KLHL21: variants seen among roughly 807,000 people sequenced by gnomAD.
KLHL21 encodes the protein kelch like family member 21.
KLHL21 carries 42 observed loss-of-function variants against 44.1 expected under a neutral mutation model. The observed-to-expected ratio is 0.95, with a 90% CI of 0.74 to 1.23. KLHL21 has a LOEUF of 1.23. KLHL21 is among the 50% of genes most tolerant of loss of function. The pLI, the probability that KLHL21 is intolerant of heterozygous loss-of-function variation, is 0.00. For missense variants in KLHL21, 918 were observed against 889.1 expected (o/e 1.03, Z -0.41); for synonymous variants, 524 against 411.6 (o/e 1.27, Z -3.31).
intron 3 of KLHL21, 103 bp downstream of exon 3, chr1:6,595,382 C>T (rs1421684945): frequency 2.9e-6 from 3 of 1,030,792 alleles, no homozygotes; most frequent in East Asian, 5.0e-5. Context: ...AGATGAGACC[C>T]ACCCATCATG....
intron 1 of KLHL21, among the ~76,000 whole-genome samples, chr1:6,600,967 G>A (rs1292680392): frequency 6.6e-6 from 1 of 152,198 alleles, no homozygotes; most frequent in Admixed American, 6.5e-5. Flanking sequence ...GCTCTCTCGC[G>A]AACATGCAAG....
In KLHL21 at chr1:6,593,018, T is replaced by A. The variant is rs1453081420; in HGVS notation, c.*347A>T. ...ACGCGTCCCTCCCAAGTCATCGTCCTCTCCCAAGGTGGGAACAAGTAGGTG... is the reference window on the plus strand; with the variant it reads ...ACGCGTCCCTCCCAAGTCATCGTCCACTCCCAAGGTGGGAACAAGTAGGTG... On this transcript the variant is annotated 3_prime_UTR_variant, in exon 4 of 4. Coordinates refer to ENST00000377658, the MANE Select transcript of KLHL21 (RefSeq NM_014851.4). 3.7e-6 allele frequency: 1 copy of A among 270,034 alleles called. No homozygotes were observed. The highest frequency in any genetic ancestry group is 2.2e-5 in the African/African-American group (1 of 46,452). 16.7% of individuals were successfully genotyped at this position (270,034 alleles called of 1,614,324 possible). A position where few individuals can be genotyped will look rare whatever the true frequency, so the allele number is the denominator to read the frequency against.
Position 6,593,305 on chromosome 1 carries a change from GCACTGCCCCGCAGAGGTGC to G in KLHL21, c.*41_*59del, listed in dbSNP as rs1225013603. The G allele has an allele frequency of 1.0e-4, 151 of 1,474,164 alleles. No individual in the cohort carries two copies. The highest frequency in any genetic ancestry group is 1.3e-4 in the Non-Finnish European group (140 of 1,100,890). 91.3% of individuals were successfully genotyped at this position (1,474,164 alleles called of 1,614,324 possible). A position where few individuals can be genotyped will look rare whatever the true frequency, so the allele number is the denominator to read the frequency against. ...GTGTCCTTGTGCACAAAGGAGTGGG[GCACTGCCCCGCAGAGGTGC>G]CAGTTACCTGCACCGAGGCCCGTGC... On this transcript the variant is annotated 3_prime_UTR_variant, in exon 4 of 4. Coordinates refer to ENST00000377658, the MANE Select transcript of KLHL21 (RefSeq NM_014851.4).
chr1:6,602,188 C>G lies in KLHL21; in HGVS notation c.630G>C (p.Pro210=), dbSNP rs1570206281. The G allele has an allele frequency of 1.4e-6, 2 of 1,443,944 alleles. No homozygotes were observed. The highest frequency in any genetic ancestry group is 9.0e-7 in the Non-Finnish European group (1 of 1,108,712). The allele number at this position is 1,443,944 out of a possible 1,614,324, so 89.4% of individuals were successfully genotyped here. A position where few individuals can be genotyped will look rare whatever the true frequency, so the allele number is the denominator to read the frequency against. Residue 210 remains proline (P), a synonymous_variant, in exon 1 of 4, where the codon CCG becomes CCC. Transcript: ENST00000377658. ...GCGGCCAGTGCGCGGCGCGGCGCGG[C>G]GGGTCAGCGCGGACCCAGCGCAGCG... ...QLALRWVRAD[P]PRRAAHWPQL... is the part of the protein sequence containing the mutation.
chr1:6,593,856 C>A, intron 3 of KLHL21, 198 bp from the exon 4 acceptor site: 2 of 1,365,646 alleles, frequency 1.5e-6, no homozygotes, highest in Non-Finnish European at 1.9e-6. Context: ...GGCAGCTGGG[C>A]CTTCCCTATG....
intron 1 of KLHL21, among the ~76,000 whole-genome samples, chr1:6,600,871 T>C (rs1641006691): frequency 6.6e-6 from 1 of 152,176 alleles, no homozygotes; most frequent in South Asian, 2.1e-4. Context: ...AGCAGCAGGC[T>C]AAGGAAGCTG....
chr1:6,601,843 GC>G lies in KLHL21; in HGVS notation c.974del (p.Gly325AlafsTer15). 1 of 1,584,530 alleles carries G rather than the reference GC, an allele frequency of 6.3e-7. No individual in the cohort carries two copies. On this transcript the variant is annotated frameshift_variant, in exon 1 of 4. Transcript: ENST00000377658. LOFTEE classifies it high-confidence loss of function. Reference sequence around the variant, plus strand: ...CCAGCGCCACGATGCTGTAGCCTCCGCCCAGGTGGTCTGGGAACTCGGCCAG... The same window carrying G: ...CCAGCGCCACGATGCTGTAGCCTCCGCCAGGTGGTCTGGGAACTCGGCCAG... ...RYLAEFPDHLGGGYSIVALGN... is the reference protein window; with the variant it reads ...RYLAEFPDHLXGGYSIVALGN...
At position 6,599,101 on chromosome 1, in the gene KLHL21, G is replaced by A. The variant is rs1175992945; in HGVS notation, c.1373C>T (p.Pro458Leu). 2 of 1,612,168 alleles carry A rather than the reference G, an allele frequency of 1.2e-6. No individual in the cohort carries two copies. The highest frequency in any genetic ancestry group is 2.2e-5 in the South Asian group (2 of 90,832). The change falls in exon 2 of 4, where the codon CCC becomes CTC. Residue 458 changes from proline (P) to leucine (L), a missense_variant. By Grantham distance (98) the Pro-to-Leu change is moderately conservative. Transcript: ENST00000377658. ...CGCAGTCTTGGGGGCGAAGGACCAG[G>A]GCGGGAGCTGGCCGCAGTCCACCAG... Reference protein sequence around the residue: ...WSLVDCGQLPPWSFAPKTATL... With the variant: ...WSLVDCGQLPLWSFAPKTATL...
At chr1:6,601,658 T>C in intron 1 of KLHL21, 139 bp downstream of exon 1, 9 of 1,332,864 alleles carry the variant, frequency 6.8e-6, no homozygotes, top group South Asian at 1.6e-5. Flanking sequence ...CCCAGAGACA[T>C]GTAGTCACCA....
At chr1:6,596,626 A>G (rs1016555881) in intron 2 of KLHL21, among the ~76,000 whole-genome samples, 2 of 152,138 alleles carry the variant, frequency 1.3e-5, no homozygotes. Context: ...GCCCCCAATC[A>G]TTTCAAAATG....
chr1:6,599,318 C>G lies in KLHL21; in HGVS notation c.1156G>C (p.Val386Leu), dbSNP rs1442208343. The change falls in exon 2 of 4, where the codon GTG becomes CTG. Residue 386 changes from valine to leucine, a missense_variant. By Grantham distance (32) the Val-to-Leu change is conservative. Coordinates refer to ENST00000377658, the MANE Select transcript of KLHL21 (RefSeq NM_014851.4). ...SSSVLDGLLY[V>L]VAADSTERYD... ...CGCTCGGTGCTGTCGGCGGCCACCA[C>G]GTACAGCAGTCCGTCCAGCACAGAG... The G allele has an allele frequency of 5.0e-6, 8 of 1,613,856 alleles. No homozygotes were observed. In the Admixed American group the frequency reaches 8.3e-5, roughly 17 times the overall value.
At chr1:6,597,496 T>C (rs1034737324) in intron 2 of KLHL21, among the ~76,000 whole-genome samples, 1 of 152,218 alleles carries the variant, frequency 6.6e-6, no homozygotes, top group Non-Finnish European at 1.5e-5. Context: ...GATGATGTTT[T>C]ATAATGGGAC....
At chr1:6,593,726 C>A in intron 3 of KLHL21, 68 bp from the exon 4 acceptor site, 1 of 1,488,204 alleles carries the variant, frequency 6.7e-7, no homozygotes, top group African/African-American at 1.4e-5. Flanking sequence ...ACCTGGGGAA[C>A]CACTGGAGAC....
In KLHL21 at chr1:6,602,495, G is replaced by A. The variant is rs1213563535; in HGVS notation, c.323C>T (p.Pro108Leu). ...RVAVSGDNAEPLLRAADLLQF... is the reference protein window; with the variant it reads ...RVAVSGDNAELLLRAADLLQF... ...CAGCAGGTCGGCGGCGCGCAGCAGC[G>A]GCTCAGCGTTGTCGCCGCTTACCGC... is the stretch of plus-strand genomic sequence containing the variant. The change falls in exon 1 of 4, where the codon CCG (proline) becomes CTG (leucine). Residue 108 changes from proline (P) to leucine (L), a missense_variant. By Grantham distance (98) the Pro-to-Leu change is moderately conservative (BLOSUM62 -3). Coordinates refer to ENST00000377658, the MANE Select transcript of KLHL21 (RefSeq NM_014851.4). 2 of 1,550,984 alleles carry A rather than the reference G, an allele frequency of 1.3e-6. No homozygotes were observed. Among genetic ancestry groups the A allele is most frequent in the South Asian group, 1.2e-5 (1 of 85,116 alleles).
Position 6,602,490 on chromosome 1 carries a change from G to C in KLHL21, c.328C>G (p.Leu110Val). 2 of 1,553,886 alleles carry C rather than the reference G, an allele frequency of 1.3e-6. No homozygotes were observed. The highest frequency in any genetic ancestry group is 1.7e-6 in the Non-Finnish European group (2 of 1,156,166). Residue 110 changes from leucine (L) to valine (V), a missense_variant, in exon 1 of 4, where the codon CTG becomes GTG. By Grantham distance (32) the Leu-to-Val change is conservative (BLOSUM62 1). Transcript: ENST00000377658. ...AVSGDNAEPL[L>V]RAADLLQFPA... ...AACTGCAGCAGGTCGGCGGCGCGCA[G>C]CAGCGGCTCAGCGTTGTCGCCGCTT... is the stretch of plus-strand genomic sequence containing the variant.
rs758876745 is a variant in KLHL21 at position 6,593,543 on chromosome 1, G to A, written c.1616C>T (p.Ala539Val). 4.3e-6 allele frequency: 7 copies of A among 1,613,960 alleles called. No individual in the cohort carries two copies. Among genetic ancestry groups the A allele is most frequent in the East Asian group, 2.2e-5 (1 of 44,878 alleles). ...TGGGAGCCGCCCCACCACGCTCCACGCGCGAGTCTCTGGGTCATAGGCCTC... is the reference window on the plus strand; with the variant it reads ...TGGGAGCCGCCCCACCACGCTCCACACGCGAGTCTCTGGGTCATAGGCCTC... The part of the protein sequence containing the change: ...VVEAYDPETR[A>V]WSVVGRLPEP... The change falls in exon 4 of 4, where the codon GCG (alanine) becomes GTG (valine). Residue 539 changes from alanine to valine, a missense_variant. By Grantham distance (64) the Ala-to-Val change is moderately conservative (BLOSUM62 0). Coordinates refer to ENST00000377658, the MANE Select transcript of KLHL21 (RefSeq NM_014851.4).
rs1570187808 is a variant in KLHL21, at chr1:6,591,240, G to C, written c.*2125C>G. On this transcript the variant is annotated 3_prime_UTR_variant, in exon 4 of 4. Transcript: ENST00000377658. ...CTTCTAAACCCAAAGACAGGGTCCT[G>C]ATGGTGGAGACCTGGGTAGGTCCGG... is the stretch of plus-strand genomic sequence containing the variant. 2.7e-6 allele frequency: 1 copy of C among 373,408 alleles called. No homozygotes were observed. Among genetic ancestry groups the C allele is most frequent in the East Asian group, 3.8e-5 (1 of 26,402 alleles). 23.1% of individuals were successfully genotyped at this position (373,408 alleles called of 1,614,324 possible). A position where few individuals can be genotyped will look rare whatever the true frequency, so the allele number is the denominator to read the frequency against.
rs983591136 is a variant in KLHL21 at position 6,592,180 on chromosome 1, C to T, written c.*1185G>A. 2 of 152,280 alleles carry T rather than the reference C, an allele frequency of 1.3e-5. No individual in the cohort carries two copies. The highest frequency in any genetic ancestry group is 2.9e-5 in the Non-Finnish European group (2 of 68,050). The allele number at this position is 152,280 out of a possible 1,614,324, so 9.4% of individuals were successfully genotyped here. On this transcript the variant is annotated 3_prime_UTR_variant, in exon 4 of 4. Transcript: ENST00000377658. ...TGCTAAGTGACAGTGCTAAGACTGTCTTCCTGCTGAGAACATCTCTACGAG... is the reference window on the plus strand; with the variant it reads ...TGCTAAGTGACAGTGCTAAGACTGTTTTCCTGCTGAGAACATCTCTACGAG...
chr1:6,593,859 T>C (rs1640888627), intron 3 of KLHL21: 1 of 1,347,188 alleles, frequency 7.4e-7, no homozygotes, highest in African/African-American at 1.5e-5. Flanking sequence ...AGCTGGGCCT[T>C]CCCTATGGTG....
Sources: allele counts gnomAD v4.1 joint callset (sites outside exome capture counted in the v4.1 genomes callset), GRCh38; gene constraint gnomAD v4.1.1; transcripts MANE v1.5; gene names NCBI Gene and HGNC (gene_info 2026-07-23, HGNC 2026-07-21).